The following CENPC variants were observed in gnomAD, a reference collection of about 807,000 sequenced individuals.
The protein encoded by CENPC is centromere protein C, also known as CENP-C 1.
A neutral mutation model predicts 112.1 loss-of-function variants in CENPC; 63 were observed. The ratio of observed to expected loss-of-function variants is 0.56; its 90% CI spans 0.46 to 0.69. The LOEUF is 0.69. CENPC is among the 30% of genes least tolerant of loss of function. The pLI, the probability that CENPC is intolerant of heterozygous loss-of-function variation, is 0.00. For synonymous variants in CENPC, 333 were observed against 367.6 expected (o/e 0.91, Z 1.08); for missense variants, 1,000 against 1,103.8 (o/e 0.91, Z 1.33).
intron 5 of CENPC, among the ~76,000 whole-genome samples, chr4:67,521,447 T>C (rs750880340): frequency 9.2e-5 from 14 of 152,094 alleles, no homozygotes; most frequent in Admixed American, 2.6e-4. Context: ...ATTTTCCTAA[T>C]AACAGTGATG....
intron 7 of CENPC, among the ~76,000 whole-genome samples, chr4:67,514,956 A>G (rs1726017121): frequency 7.7e-6 from 1 of 129,084 alleles, no homozygotes; most frequent in Non-Finnish European, 1.6e-5. Flanking sequence ...CATTATATAT[A>G]CTAAAACTGA....
At chr4:67,514,948 T>C (rs1296097966) in intron 7 of CENPC, among the ~76,000 whole-genome samples, 1 of 24,292 alleles carries the variant, frequency 4.1e-5, no homozygotes, top group Admixed American at 6.3e-4. Flanking sequence ...CACCCACCCA[T>C]TATATATACT....
chr4:67,481,764 A>G lies in CENPC; in HGVS notation c.2671-6786T>C, dbSNP rs376892556. Among the ~76,000 whole-genome samples the G allele has an allele frequency of 1.9e-4, 29 of 152,356 alleles. No homozygotes were observed. The East Asian group carries it at 4.6e-3, about 24-fold the overall frequency. ...TACCAAAATCAACTCAAGATGGATC[A>G]AAGACTTGAAACTAAGACCTGAAGC... On this transcript the variant is annotated intron_variant, in intron 17 of 18. Transcript: ENST00000273853.
intron 7 of CENPC, among the ~76,000 whole-genome samples, chr4:67,517,793 C>T (rs980231799): frequency 5.3e-5 from 8 of 152,154 alleles, no homozygotes; most frequent in East Asian, 3.9e-4. Context: ...GCCGAGATTG[C>T]GTCACTGCAC....
chr4:67,512,508 A>C lies in CENPC; in HGVS notation c.1506T>G (p.Ser502Arg), dbSNP rs1379000353. The C allele has an allele frequency of 3.8e-6, 6 of 1,585,494 alleles. No individual in the cohort carries two copies. In the Admixed American group the frequency reaches 1.1e-4, roughly 29 times the overall value. ...KEESKKKRFS[S>R]ESKNKLVPEE... ...CAGGTACAAGTTTGTTCTTGGACTC[A>C]CTGGAAAAGCGCTTCTTTTTAGATT... The change falls in exon 9 of 19, where the codon AGT (serine) becomes AGG (arginine). Residue 502 changes from serine to arginine, a missense_variant. By Grantham distance (110) the Ser-to-Arg change is moderately radical. Coordinates refer to ENST00000273853, the MANE Select transcript of CENPC (RefSeq NM_001812.4).
intron 1 of CENPC, 114 bp from the exon 2 acceptor site, chr4:67,544,309 G>A: frequency 4.8e-6 from 3 of 623,340 alleles, no homozygotes; most frequent in South Asian, 3.8e-5. Flanking sequence ...ATCTCCTAAG[G>A]GCTCAAAACA....
intron 4 of CENPC, among the ~76,000 whole-genome samples, chr4:67,533,639 CAG>C (rs1726624909): frequency 6.6e-6 from 1 of 152,112 alleles, no homozygotes; most frequent in Non-Finnish European, 1.5e-5. Flanking sequence ...TTCAGCAACC[CAG>C]AGAGAATGGA....
At chr4:67,477,971 C>A (rs1038138430) in intron 17 of CENPC, among the ~76,000 whole-genome samples, 6 of 151,160 alleles carry the variant, frequency 4.0e-5, no homozygotes, top group African/African-American at 1.5e-4. Context: ...AAAAACAAGG[C>A]TTTTGAATTA....
At chr4:67,533,991 G>C (rs1200704090) in intron 4 of CENPC, among the ~76,000 whole-genome samples, 1 of 152,090 alleles carries the variant, frequency 6.6e-6, no homozygotes, top group Non-Finnish European at 1.5e-5. Context: ...TGGGCTATGA[G>C]CATGCCACTG....
intron 16 of CENPC, among the ~76,000 whole-genome samples, chr4:67,490,837 AATATATATATATATAT>A (rs57498869): frequency 7.0e-5 from 4 of 57,112 alleles, no homozygotes; most frequent in African/African-American, 1.8e-4. Context: ...TATAGAAATA[AATATATATATATATAT>A]ATATATATAT....
chr4:67,492,148 T>G (rs1725301077), intron 16 of CENPC, 32 bp downstream of exon 16: 1 of 1,348,528 alleles, frequency 7.4e-7, no homozygotes, highest in Non-Finnish European at 1.0e-6. Flanking sequence ...AATTGTTTAA[T>G]TAAGTATTTT....
chr4:67,538,281 A>C (rs1726784950), intron 4 of CENPC, among the ~76,000 whole-genome samples: 2 of 152,244 alleles, frequency 1.3e-5, no homozygotes, highest in Admixed American at 1.3e-4. Flanking sequence ...ATCTTCATTC[A>C]GAATATTTTA....
chr4:67,520,616 A>G (rs1055801952), intron 5 of CENPC, among the ~76,000 whole-genome samples: 2 of 152,232 alleles, frequency 1.3e-5, no homozygotes, highest in African/African-American at 4.8e-5. Context: ...CAGCACCAAC[A>G]GGAACTGAGC....
chr4:67,475,696 T>A (rs889346796), intron 17 of CENPC, among the ~76,000 whole-genome samples: 1 of 152,198 alleles, frequency 6.6e-6, no homozygotes, highest in Non-Finnish European at 1.5e-5. Context: ...CCTCCAGGGT[T>A]CATGCCATTC....
chr4:67,519,083 T>G lies in CENPC; in HGVS notation c.617+134A>C, dbSNP rs1369379795. On this transcript the variant is annotated intron_variant, in intron 6 of 18. Coordinates refer to ENST00000273853, the MANE Select transcript of CENPC (RefSeq NM_001812.4). ...TATTACAAACTGAATATATGCTAAA[T>G]GTATACTTTCTCATAACATGTTAAT... 3 of 659,164 alleles carry G rather than the reference T, an allele frequency of 4.6e-6. No homozygotes were observed. In the African/African-American group the frequency reaches 5.5e-5, roughly 12 times the overall value. The allele number at this position is 659,164 out of a possible 1,614,324, so 40.8% of individuals were successfully genotyped here.
chr4:67,536,837 T>G (rs908366027), intron 4 of CENPC, among the ~76,000 whole-genome samples: 5 of 151,416 alleles, frequency 3.3e-5, no homozygotes, highest in Non-Finnish European at 4.4e-5. Context: ...AAAGCCAAAC[T>G]TGGTTTTCTG....
chr4:67,509,207 T>TAC (rs36207189), intron 9 of CENPC, 102 bp from the exon 10 acceptor site: 10,933 of 484,598 alleles, frequency 0.023, 113 homozygotes, highest in African/African-American at 0.047. Flanking sequence ...CATATACACA[T>TAC]ACACACACAC....
At chr4:67,541,751 A>T (rs1290536339) in intron 2 of CENPC, among the ~76,000 whole-genome samples, 1 of 152,198 alleles carries the variant, frequency 6.6e-6, no homozygotes, top group East Asian at 1.9e-4. Flanking sequence ...AGGTGCAGAT[A>T]AAACAACCAG....
chr4:67,544,574 C>G (rs1726975839), intron 1 of CENPC, among the ~76,000 whole-genome samples: 1 of 152,012 alleles, frequency 6.6e-6, no homozygotes, highest in African/African-American at 2.4e-5. Context: ...TGAAGATTTT[C>G]TTAGAAGGGG....
Sources: allele counts gnomAD v4.1 joint callset (sites outside exome capture counted in the v4.1 genomes callset), GRCh38; gene constraint gnomAD v4.1.1; transcripts MANE v1.5; gene names NCBI Gene and HGNC (gene_info 2026-07-23, HGNC 2026-07-21).